Variants in MPPED1 observed in about 807,000 individuals in gnomAD.
MPPED1 encodes the protein metallophosphoesterase domain-containing protein 1.
A neutral mutation model predicts 36.2 loss-of-function variants in MPPED1; 16 were observed. The ratio of observed to expected loss-of-function variants is 0.44; its 90% confidence interval spans 0.30 to 0.67. The LOEUF is 0.67. Ranked by LOEUF, MPPED1 falls within the 30% of genes least tolerant of loss-of-function variation. MPPED1 has a pLI of 0.10. For synonymous variants in MPPED1, 199 were observed against 191.3 expected, an observed-to-expected ratio of 1.04 and a Z score of -0.33; for missense variants, 307 against 453.4, an observed-to-expected ratio of 0.68 and a Z score of 2.93.
Position 43,435,154 on chromosome 22 carries a change from C to T in MPPED1, c.345C>T (p.His115=), listed in dbSNP as rs563154928. The T allele has an allele frequency of 5.1e-5, 82 of 1,613,452 alleles. No homozygotes were observed. The highest frequency in any genetic ancestry group is 6.4e-5 in the Non-Finnish European group (75 of 1,179,904). Residue 115 remains histidine, a synonymous_variant, in exon 3 of 7, where the codon CAC becomes CAT. Transcript: ENST00000443721. ...TGCCGTACGGCGACGTGCTGATCCA[C>T]GCTGGGGACTTCACTGAGCTGGGGC... ...IQMPYGDVLI[H]AGDFTELGLP...
intron 3 of MPPED1, among the ~76,000 whole-genome samples, chr22:43,468,753 G>A (rs1931260142): frequency 1.3e-5 from 2 of 152,116 alleles, no homozygotes; most frequent in South Asian, 2.1e-4. Flanking sequence ...GTTTAATCAG[G>A]GCTCATGGAG....
intron 3 of MPPED1, among the ~76,000 whole-genome samples, chr22:43,471,314 G>A (rs891733480): frequency 6.6e-6 from 1 of 152,204 alleles, no homozygotes; most frequent in Non-Finnish European, 1.5e-5. Flanking sequence ...AGCGATGGTG[G>A]CCACCCCCAA....
At chr22:43,500,359 A>G (rs868646742) in intron 5 of MPPED1, among the ~76,000 whole-genome samples, 7 of 48,714 alleles carry the variant, frequency 1.4e-4, no homozygotes, top group East Asian at 7.3e-4. Flanking sequence ...ATGGTGATGG[A>G]GGTGGTGATG....
chr22:43,435,578 C>T (rs993277044), intron 3 of MPPED1, among the ~76,000 whole-genome samples: 4 of 152,252 alleles, frequency 2.6e-5, no homozygotes, highest in Non-Finnish European at 4.4e-5. Context: ...TGAATGAGGC[C>T]GGGTGCAGCA....
Position 43,412,165 on chromosome 22 carries a change from C to T in MPPED1, c.-79+7C>T, listed in dbSNP as rs1425590944. On this transcript the variant is annotated splice_region_variant and intron_variant, in intron 1 of 6. Transcript: ENST00000443721. The stretch of plus-strand genomic sequence containing the variant: ...AAGAGGAGCCCGGGGCCAGGTAGGA[C>T]CGGAGGCGGGCGGGGCGCGGCGGGC... 7 of 978,498 alleles carry T rather than the reference C, an allele frequency of 7.2e-6. No individual in the cohort carries two copies. The highest frequency in any genetic ancestry group is 8.5e-6 in the Non-Finnish European group (7 of 826,950). The allele number at this position is 978,498 out of a possible 1,614,324, so 60.6% of individuals were successfully genotyped here.
intron 4 of MPPED1, among the ~76,000 whole-genome samples, chr22:43,484,814 C>T (rs1931858895): frequency 6.6e-6 from 1 of 152,122 alleles, no homozygotes; most frequent in Admixed American, 6.5e-5. Flanking sequence ...TGGGAGCCAG[C>T]TGGTACGTGC....
At chr22:43,418,437 A>C (rs1929151896) in intron 1 of MPPED1, 1 of 300,786 alleles carries the variant, frequency 3.3e-6, no homozygotes. Context: ...TGATCCAAGC[A>C]TCTCTTTTGC....
chr22:43,489,179 T>C (rs1932008054), intron 4 of MPPED1, among the ~76,000 whole-genome samples: 1 of 152,076 alleles, frequency 6.6e-6, no homozygotes, highest in Admixed American at 6.5e-5. Flanking sequence ...GAGAGGGTCA[T>C]TTCATCCCCA....
chr22:43,444,889 TA>T (rs1930282660), intron 3 of MPPED1, among the ~76,000 whole-genome samples: 1 of 152,172 alleles, frequency 6.6e-6, no homozygotes, highest in Non-Finnish European at 1.5e-5. Context: ...AGATAGTTTA[TA>T]AAAATGACAA....
chr22:43,492,057 G>A (rs1932122578), intron 4 of MPPED1, among the ~76,000 whole-genome samples: 1 of 151,988 alleles, frequency 6.6e-6, no homozygotes, highest in South Asian at 2.1e-4. Context: ...GATGGAGGTG[G>A]TGCTGGGGGT....
chr22:43,499,690 T>A (rs1206264917), intron 5 of MPPED1, among the ~76,000 whole-genome samples: 2 of 123,456 alleles, frequency 1.6e-5, no homozygotes, highest in African/African-American at 3.3e-5. Flanking sequence ...GTGGTGATGG[T>A]GGTGGTGGAG....
At chr22:43,500,684 C>G (rs934057134) in intron 5 of MPPED1, among the ~76,000 whole-genome samples, 2 of 152,026 alleles carry the variant, frequency 1.3e-5, no homozygotes, top group African/African-American at 4.8e-5. Context: ...GTGCTTGGGA[C>G]CAGCCCCTGT....
At chr22:43,420,858 G>A (rs1285444459) in intron 1 of MPPED1, among the ~76,000 whole-genome samples, 1 of 152,176 alleles carries the variant, frequency 6.6e-6, no homozygotes, top group Non-Finnish European at 1.5e-5. Context: ...TCAAGGGCAG[G>A]AGCCTCTTTG....
chr22:43,435,273 A>G, intron 3 of MPPED1, 58 bp downstream of exon 3: 1 of 1,529,618 alleles, frequency 6.5e-7, no homozygotes. Context: ...GGCTCCCGCC[A>G]GCTCCCGAGG....
In MPPED1 at chr22:43,412,176, C is replaced by A; in HGVS notation, c.-79+18C>A. On this transcript the variant is annotated intron_variant, in intron 1 of 6. Transcript: ENST00000443721. The stretch of plus-strand genomic sequence containing the variant: ...GGGGCCAGGTAGGACCGGAGGCGGG[C>A]GGGGCGCGGCGGGCGCGGGCGGGAG... The A allele has an allele frequency of 1.0e-6, 1 of 976,706 alleles. No individual in the cohort carries two copies. The highest frequency in any genetic ancestry group is 4.6e-5 in the South Asian group (1 of 21,760). The allele number at this position is 976,706 out of a possible 1,614,324, so 60.5% of individuals were successfully genotyped here.
At chr22:43,496,017 A>AGAT (rs1569089303) in intron 4 of MPPED1, among the ~76,000 whole-genome samples, 227 of 42,534 alleles carry the variant, frequency 5.3e-3, no homozygotes, top group Admixed American at 9.9e-3. Context: ...GTGGTGGTGG[A>AGAT]GGTGGTGATG....
intron 4 of MPPED1, among the ~76,000 whole-genome samples, chr22:43,477,664 C>T (rs1931619493): frequency 6.6e-6 from 1 of 152,208 alleles, no homozygotes; most frequent in Admixed American, 6.5e-5. Flanking sequence ...AGGGCTGTCT[C>T]ATCTTCCCTG....
chr22:43,500,759 G>T (rs751460679), intron 5 of MPPED1, among the ~76,000 whole-genome samples: 1 of 152,112 alleles, frequency 6.6e-6, no homozygotes, highest in African/African-American at 2.4e-5. Flanking sequence ...CCCCCAGGCT[G>T]CAGGGTAGAG....
intron 1 of MPPED1, among the ~76,000 whole-genome samples, chr22:43,419,945 G>A (rs570669601): frequency 2.6e-5 from 4 of 152,258 alleles, no homozygotes; most frequent in South Asian, 2.1e-4. Context: ...AGAGGAAAAC[G>A]GAAAGAGAAA....
Sources: gnomAD v4.1 joint callset for allele counts (sites outside exome capture counted in the v4.1 genomes callset) on GRCh38, gnomAD v4.1.1 for gene constraint, MANE v1.5 for transcripts, NCBI Gene and HGNC (gene_info 2026-07-23, HGNC 2026-07-21) for gene names.